The following CNTRL variants were observed in gnomAD, a reference collection of about 807,000 sequenced individuals.
CNTRL encodes 110 kDa centrosomal protein.
CNTRL carries 233 observed loss-of-function variants against 303.7 expected under a neutral mutation model. The ratio of observed to expected loss-of-function variants is 0.77; its 90% CI spans 0.69 to 0.86. CNTRL has a LOEUF of 0.86. Among genes scored for constraint, CNTRL ranks in the 40% least tolerant of loss-of-function variants. The probability of loss-of-function intolerance (pLI) is 0.00; values close to 1 mark genes in which losing one functional copy is unlikely to be tolerated. For synonymous variants in CNTRL, 900 were observed against 922.2 expected (o/e 0.98, Z 0.44); for missense variants, 2,524 against 2,650.6 (o/e 0.95, Z 1.05).
chr9:121,138,780 C>A, intron 16 of CNTRL, 101 bp downstream of exon 16: 2 of 1,182,260 alleles, frequency 1.7e-6, no homozygotes, highest in Non-Finnish European at 2.4e-6. Flanking sequence ...ATGTAGTAAG[C>A]AATTTGAATT....
intron 7 of CNTRL, among the ~76,000 whole-genome samples, chr9:121,102,810 A>G (rs1406929092): frequency 2.0e-5 from 3 of 152,208 alleles, no homozygotes; most frequent in African/African-American, 7.2e-5. Flanking sequence ...TGCTTCAAAG[A>G]GAATAAAATA....
At chr9:121,129,429 GCTCT>G (rs1165084078) in intron 14 of CNTRL, among the ~76,000 whole-genome samples, 1 of 151,848 alleles carries the variant, frequency 6.6e-6, no homozygotes, top group Non-Finnish European at 1.5e-5. Context: ...TCACGATTTG[GCTCT>G]CTGTCTATTA....
rs373869185 is a variant in CNTRL at position 121,140,794 on chromosome 9, A to G, written c.2483+8A>G. The G allele has an allele frequency of 1.7e-4, 270 of 1,610,032 alleles. No homozygotes were observed. Among genetic ancestry groups the G allele is most frequent in the Non-Finnish European group, 2.2e-4 (257 of 1,177,396 alleles). On this transcript the variant is annotated splice_region_variant and intron_variant, in intron 17 of 43. Transcript: ENST00000373855. ...AGGAACTGGGGAAATGAAGTAAGGA[A>G]AAAGCAAGACCTCCAAGTCTAGAGT...
Position 121,076,421 on chromosome 9 carries a change from TAGGC to T in CNTRL, c.-205+1361_-205+1364del, listed in dbSNP as rs560645986. Reference sequence around the variant, plus strand: ...TAGAGTATTAGGATGGAAAGGCAAATAGGCAGGCAGTTGGGTTGGGATGAAGAGG... The same window carrying T: ...TAGAGTATTAGGATGGAAAGGCAAATAGGCAGTTGGGTTGGGATGAAGAGG... On this transcript the variant is annotated intron_variant, in intron 1 of 43. Coordinates refer to ENST00000373855, the MANE Select transcript of CNTRL (RefSeq NM_007018.6). 2.0e-3 allele frequency among the ~76,000 whole-genome samples: 308 copies of T among 152,012 alleles called. 1 individual carries two copies. The highest frequency in any genetic ancestry group is 7.1e-3 in the African/African-American group (295 of 41,478).
intron 34 of CNTRL, among the ~76,000 whole-genome samples, chr9:121,164,002 C>G (rs1236070829): frequency 6.6e-6 from 1 of 151,844 alleles, no homozygotes; most frequent in Non-Finnish European, 1.5e-5. Flanking sequence ...GTAGCTGGGA[C>G]TACAGGCACC....
chr9:121,177,188 G>A lies in CNTRL; in HGVS notation c.*2G>A. ...GAAAAGAATGCCTCAGCCAGATGAGGAATACTGTCTTGTGTAAATATATTC... is the reference window on the plus strand; with the variant it reads ...GAAAAGAATGCCTCAGCCAGATGAGAAATACTGTCTTGTGTAAATATATTC... On this transcript the variant is annotated 3_prime_UTR_variant, in exon 44 of 44. Coordinates refer to ENST00000373855, the MANE Select transcript of CNTRL (RefSeq NM_007018.6). 6.2e-7 allele frequency: 1 copy of A among 1,609,194 alleles called. No individual in the cohort carries two copies. Among genetic ancestry groups the A allele is most frequent in the South Asian group, 1.1e-5 (1 of 90,716 alleles).
intron 32 of CNTRL, chr9:121,161,544 T>C: frequency 2.9e-6 from 1 of 342,852 alleles, no homozygotes; most frequent in Non-Finnish European, 5.2e-6. Context: ...GATGGGATCT[T>C]GCTCTGTCAA....
At chr9:121,087,633 G>A (rs1197243854) in intron 2 of CNTRL, among the ~76,000 whole-genome samples, 4 of 152,156 alleles carry the variant, frequency 2.6e-5, no homozygotes, top group African/African-American at 9.7e-5. Context: ...AGAGGTTGCA[G>A]TGAGCCGAGA....
At chr9:121,098,839 A>AAC (rs1491030258) in intron 7 of CNTRL, among the ~76,000 whole-genome samples, 1 of 150,806 alleles carries the variant, frequency 6.6e-6, no homozygotes, top group Non-Finnish European at 1.5e-5. Flanking sequence ...CAAAAAAAAA[A>AAC]ACAAAAACAA....
chr9:121,175,164 A>T lies in CNTRL; in HGVS notation c.6894A>T (p.Ser2298=), dbSNP rs1187354434. ...VTSTSADSAS[S]PSLSQLESSL... ...GCACCTCTGCAGATTCAGCGTCATC[A>T]CCCAGTCTGTCTCAGCTGGAGTCTT... The change falls in exon 43 of 44, where the codon TCA becomes TCT. Residue 2298 remains serine, a synonymous_variant. Transcript: ENST00000373855. The T allele has an allele frequency of 2.5e-6, 4 of 1,614,058 alleles. No individual in the cohort carries two copies. In the African/African-American group the frequency reaches 4.0e-5, roughly 16 times the overall value.
rs1194868986 is a variant in CNTRL, at chr9:121,107,909, T to C, written c.916T>C (p.Leu306=). 6.2e-7 allele frequency: 1 copy of C among 1,611,082 alleles called. No individual in the cohort carries two copies. Among genetic ancestry groups the C allele is most frequent in the East Asian group, 2.2e-5 (1 of 44,704 alleles). The part of the protein sequence containing the change: ...FLEEIKNQDK[L]NKSLKEEAML... Reference sequence around the variant, plus strand: ...TGAGGAAATTAAAAATCAAGATAAATTGAATAAATCATTAAAAGAGGAGGC... The same window carrying C: ...TGAGGAAATTAAAAATCAAGATAAACTGAATAAATCATTAAAAGAGGAGGC... Residue 306 remains leucine, a synonymous_variant, in exon 8 of 44, where the codon TTG becomes CTG. Coordinates refer to ENST00000373855, the MANE Select transcript of CNTRL (RefSeq NM_007018.6).
intron 4 of CNTRL, among the ~76,000 whole-genome samples, chr9:121,091,900 T>C (rs2048589839): frequency 6.9e-6 from 1 of 145,734 alleles, no homozygotes; most frequent in Non-Finnish European, 1.5e-5. Flanking sequence ...TTTTTTTTTT[T>C]TTTTTTGAGA....
intron 2 of CNTRL, among the ~76,000 whole-genome samples, chr9:121,087,192 G>A (rs1043966112): frequency 2.4e-4 from 36 of 152,238 alleles, no homozygotes; most frequent in African/African-American, 8.4e-4. Context: ...GGAAGAGGGA[G>A]GTGTCAGGAA....
intron 11 of CNTRL, among the ~76,000 whole-genome samples, chr9:121,115,880 A>T (rs1230083897): frequency 6.6e-6 from 1 of 152,190 alleles, no homozygotes; most frequent in Non-Finnish European, 1.5e-5. Context: ...TAAAAGATAC[A>T]CTGTATTGTT....
chr9:121,150,510 T>C, intron 25 of CNTRL, 27 bp downstream of exon 25: 2 of 1,601,954 alleles, frequency 1.2e-6, no homozygotes, highest in Non-Finnish European at 1.7e-6. Flanking sequence ...ACAACTCTCT[T>C]TCCACACTGC....
At chr9:121,087,866 A>G (rs1588056459) in intron 2 of CNTRL, among the ~76,000 whole-genome samples, 1 of 152,166 alleles carries the variant, frequency 6.6e-6, no homozygotes, top group African/African-American at 2.4e-5. Context: ...TGGAGTGGCC[A>G]GGGAGGCAGG....
In CNTRL at chr9:121,148,659, T is replaced by C; in HGVS notation, c.3460-13T>C. ...TTATAATAGATAGTGTGCTCTGCTGTCATTTGTTTTAGGTTTCCAGCCATA... is the reference window on the plus strand; with the variant it reads ...TTATAATAGATAGTGTGCTCTGCTGCCATTTGTTTTAGGTTTCCAGCCATA... On this transcript the variant is annotated splice_polypyrimidine_tract_variant and intron_variant, in intron 23 of 43. Coordinates refer to ENST00000373855, the MANE Select transcript of CNTRL (RefSeq NM_007018.6). 1 of 1,608,616 alleles carries C rather than the reference T, an allele frequency of 6.2e-7. No individual in the cohort carries two copies. The highest frequency in any genetic ancestry group is 8.5e-7 in the Non-Finnish European group (1 of 1,176,126).
intron 9 of CNTRL, 56 bp downstream of exon 9, chr9:121,112,634 G>GGGGGAGGGCAGGT: frequency 6.4e-7 from 1 of 1,566,628 alleles, no homozygotes; most frequent in Non-Finnish European, 8.7e-7. Context: ...GGGATGGAAT[G>GGGGGAGGGCAGGT]GGGGAGGGCA....
chr9:121,175,689 A>G lies in CNTRL; in HGVS notation c.6954+465A>G, dbSNP rs12237507. Among the ~76,000 whole-genome samples, 2,294 of 152,352 alleles carry G rather than the reference A, an allele frequency of 0.015. 110 individuals carry two copies. The East Asian group carries it at 0.18, about 12-fold the overall frequency. ...ATTATGCCGCCTTCAACTCTCTGAA[A>G]AACTTGTCTTAGCAAAGACTTGGTA... On this transcript the variant is annotated intron_variant, in intron 43 of 43. Coordinates refer to ENST00000373855, the MANE Select transcript of CNTRL (RefSeq NM_007018.6).
Sources: allele counts gnomAD v4.1 joint callset (sites outside exome capture counted in the v4.1 genomes callset), GRCh38; gene constraint gnomAD v4.1.1; transcripts MANE v1.5; gene names NCBI Gene and HGNC (gene_info 2026-07-23, HGNC 2026-07-21).